Variants in FBXO22 observed in about 807,000 individuals in gnomAD.
FBXO22 encodes the protein F-box only protein 22.
FBXO22 carries 13 observed loss-of-function variants against 37.2 expected under a neutral mutation model. The ratio of observed to expected loss-of-function variants is 0.35; its 90% CI spans 0.23 to 0.56. The LOEUF (loss-of-function observed/expected upper bound fraction) is 0.56, where lower values mean the gene tolerates loss of function less well. FBXO22 is among the 20% of genes least tolerant of loss of function. FBXO22 has a pLI of 0.87. For synonymous variants in FBXO22, 189 were observed against 189.1 expected (o/e 1.00, Z 0.00); for missense variants, 446 against 509.9 (o/e 0.87, Z 1.21).
At chr15:75,921,728 T>C (rs1245612512) in intron 5 of FBXO22, among the ~76,000 whole-genome samples, 1 of 152,234 alleles carries the variant, frequency 6.6e-6, no homozygotes, top group East Asian at 1.9e-4. Context: ...TTTCCATTTA[T>C]ATCCTTATTC....
chr15:75,918,462 C>G (rs911800692), intron 5 of FBXO22, among the ~76,000 whole-genome samples: 4 of 152,098 alleles, frequency 2.6e-5, no homozygotes, highest in Non-Finnish European at 5.9e-5. Flanking sequence ...TGGAAAGTCT[C>G]AACAGCCAGC....
intron 2 of FBXO22, among the ~76,000 whole-genome samples, chr15:75,911,280 G>GT (rs1387655046): frequency 6.6e-6 from 1 of 152,160 alleles, no homozygotes. Context: ...ATTTAAAGTA[G>GT]TTTTTTCTCA....
At chr15:75,926,505 G>A (rs759950237) in intron 5 of FBXO22, among the ~76,000 whole-genome samples, 5 of 152,166 alleles carry the variant, frequency 3.3e-5, no homozygotes, top group Non-Finnish European at 7.4e-5. Context: ...TGTATTAGGA[G>A]GGGGAAGTGT....
rs117526486 is a variant in FBXO22 at position 75,915,028 on chromosome 15, C to T, written c.463+823C>T. Among the ~76,000 whole-genome samples the T allele has an allele frequency of 1.0e-3, 158 of 152,318 alleles. 2 individuals are homozygous for T. The East Asian group carries it at 0.024, about 23-fold the overall frequency. ...TGTCACCAAGGTTGGAGTGCAATGG[C>T]GTGATCTCTACTCACTGCGACTTCT... On this transcript the variant is annotated intron_variant, in intron 4 of 6. Transcript: ENST00000308275.
chr15:75,908,822 T>A (rs1334904742), intron 2 of FBXO22, among the ~76,000 whole-genome samples: 4 of 152,248 alleles, frequency 2.6e-5, no homozygotes, highest in Non-Finnish European at 5.9e-5. Context: ...TTTTGAACAT[T>A]GGCATTCAGT....
At chr15:75,914,247 A>T (rs1023075317) in intron 4 of FBXO22, 42 bp downstream of exon 4, 3 of 1,384,572 alleles carry the variant, frequency 2.2e-6, no homozygotes, top group Non-Finnish European at 3.1e-6. Context: ...CCTTGCATTA[A>T]TGTGGGGTCC....
chr15:75,938,370 A>G lies in FBXO22; in HGVS notation c.*5268A>G, dbSNP rs1265632801. The G allele has an allele frequency of 6.6e-6, 1 of 152,158 alleles. No individual in the cohort carries two copies. The highest frequency in any genetic ancestry group is 6.6e-5 in the Admixed American group (1 of 15,262). 9.4% of individuals were successfully genotyped at this position (152,158 alleles called of 1,614,324 possible). A position where few individuals can be genotyped will look rare whatever the true frequency, so the allele number is the denominator to read the frequency against. ...ACCATATTATAATAGTGAATATCCA[A>G]CTCTCAAGGAAAAAAATCACAAACC... On this transcript the variant is annotated 3_prime_UTR_variant, in exon 7 of 7. Transcript: ENST00000308275.
At position 75,932,916 on chromosome 15, in the gene FBXO22, T is replaced by C. The variant is rs769395763; in HGVS notation, c.1026T>C (p.Ala342=). Residue 342 remains alanine, a synonymous_variant, in exon 7 of 7, where the codon GCT becomes GCC. Transcript: ENST00000308275. ...QYYRAKGNVE[A]DAFRKFFPSV... ...ACAGAGCCAAGGGGAATGTTGAGGC[T>C]GATGCATTTAGAAAGTTTTTTCCTA... 4 of 1,614,260 alleles carry C rather than the reference T, an allele frequency of 2.5e-6. No individual in the cohort carries two copies. Among genetic ancestry groups the C allele is most frequent in the Middle Eastern group, 3.3e-4 (2 of 6,062 alleles).
intron 1 of FBXO22, 120 bp downstream of exon 1, chr15:75,904,223 CCCTA>C (rs1899866438): frequency 7.3e-7 from 1 of 1,360,964 alleles, no homozygotes; most frequent in African/African-American, 1.5e-5. Flanking sequence ...GGCTCGCTCG[CCCTA>C]CCTGAGGTGA....
chr15:75,918,801 A>G (rs1250627632), intron 5 of FBXO22, among the ~76,000 whole-genome samples: 1 of 152,282 alleles, frequency 6.6e-6, no homozygotes, highest in African/African-American at 2.4e-5. Flanking sequence ...TGTTGCTCTC[A>G]TAGAAATATA....
At chr15:75,921,613 ATTACACCACTGCACTCC>A (rs1277026524) in intron 5 of FBXO22, among the ~76,000 whole-genome samples, 2 of 148,682 alleles carry the variant, frequency 1.3e-5, no homozygotes, top group African/African-American at 4.9e-5. Flanking sequence ...GTAAGCCAAG[ATTACACCACTGCACTCC>A]AGCCTGGGCG....
In FBXO22 at chr15:75,933,104, A is replaced by C. The variant is rs1246631307; in HGVS notation, c.*2A>C. 1 of 1,584,676 alleles carries C rather than the reference A, an allele frequency of 6.3e-7. No homozygotes were observed. Among genetic ancestry groups the C allele is most frequent in the East Asian group, 2.2e-5 (1 of 44,624 alleles). On this transcript the variant is annotated 3_prime_UTR_variant, in exon 7 of 7. Coordinates refer to ENST00000308275, the MANE Select transcript of FBXO22 (RefSeq NM_147188.3). ...ATACATCTGGGGTCATCTAAATAAT[A>C]ATTAAAGTGGCTTTCATAATATGTA...
At chr15:75,914,299 A>G (rs1393835311) in intron 4 of FBXO22, 94 bp downstream of exon 4, 10 of 790,880 alleles carry the variant, frequency 1.3e-5, no homozygotes, top group East Asian at 1.0e-4. Context: ...CCACATTTCT[A>G]TTTCTGTCCA....
chr15:75,925,993 A>G (rs1320496865), intron 5 of FBXO22, among the ~76,000 whole-genome samples: 3 of 152,242 alleles, frequency 2.0e-5, no homozygotes, highest in South Asian at 2.1e-4. Context: ...ATAGTTGCCA[A>G]TCCTACATGG....
intron 5 of FBXO22, among the ~76,000 whole-genome samples, chr15:75,926,645 G>A: frequency 6.6e-6 from 1 of 152,212 alleles, no homozygotes; most frequent in Non-Finnish European, 1.5e-5. Context: ...CAGAGGTTGA[G>A]GGCGTATCCG....
intron 5 of FBXO22, among the ~76,000 whole-genome samples, chr15:75,926,865 C>T (rs1900454657): frequency 6.6e-6 from 1 of 152,168 alleles, no homozygotes; most frequent in South Asian, 2.1e-4. Flanking sequence ...ATGCAGATGT[C>T]TCAGAGTAGG....
intron 5 of FBXO22, among the ~76,000 whole-genome samples, chr15:75,924,795 G>C (rs759981603): frequency 6.6e-6 from 1 of 152,186 alleles, no homozygotes; most frequent in African/African-American, 2.4e-5. Flanking sequence ...GAGAGCCAGA[G>C]CCTCTTTGCT....
Position 75,934,859 on chromosome 15 carries a change from T to G in FBXO22, c.*1757T>G, listed in dbSNP as rs2141729448. 6.6e-6 allele frequency: 1 copy of G among 152,318 alleles called. No individual in the cohort carries two copies. The highest frequency in any genetic ancestry group is 2.1e-4 in the South Asian group (1 of 4,824). 9.4% of individuals were successfully genotyped at this position (152,318 alleles called of 1,614,324 possible). On this transcript the variant is annotated 3_prime_UTR_variant, in exon 7 of 7. Coordinates refer to ENST00000308275, the MANE Select transcript of FBXO22 (RefSeq NM_147188.3). ...AAAGGGATTTTTAAAACTGAAAATA[T>G]GAACAAAATGAGCCTTAGAATTGAA...
intron 2 of FBXO22, among the ~76,000 whole-genome samples, chr15:75,905,997 CATTT>C (rs911274824): frequency 4.6e-5 from 7 of 152,192 alleles, no homozygotes; most frequent in Admixed American, 2.0e-4. Flanking sequence ...TGTTTCAATT[CATTT>C]ATTTATTTAT....
Sources: allele counts gnomAD v4.1 joint callset (sites outside exome capture counted in the v4.1 genomes callset), GRCh38; gene constraint gnomAD v4.1.1; transcripts MANE v1.5; gene names NCBI Gene and HGNC (gene_info 2026-07-23, HGNC 2026-07-21).